Variants in NT5DC3 observed in about 807,000 individuals in gnomAD.
NT5DC3 encodes 5'-nucleotidase domain-containing protein 3.
A neutral mutation model predicts 67.8 loss-of-function variants in NT5DC3; 42 were observed. The observed-to-expected ratio is 0.62, with a 90% confidence interval of 0.48 to 0.80. The LOEUF (loss-of-function observed/expected upper bound fraction) is 0.80. Among genes scored for constraint, NT5DC3 ranks in the 30% least tolerant of loss-of-function variants. The pLI is 0.00. For synonymous variants in NT5DC3, 237 were observed against 255.6 expected (o/e 0.93, Z 0.69); for missense variants, 570 against 696.4 (o/e 0.82, Z 2.04).
chr12:103,810,142 C>G lies in NT5DC3; in HGVS notation c.394-3213G>C, dbSNP rs1886969579. 3.3e-5 allele frequency among the ~76,000 whole-genome samples: 5 copies of G among 152,224 alleles called. No homozygotes were observed. In the South Asian group the frequency reaches 1.0e-3, roughly 31 times the overall value. ...GGCCTGGGGTTTTAGGTCCACCCTA[C>G]TAGCCCCTGCTACTCTCCTGTATGA... On this transcript the variant is annotated intron_variant, in intron 2 of 13. Coordinates refer to ENST00000392876, the MANE Select transcript of NT5DC3 (RefSeq NM_001031701.3).
At chr12:103,828,692 C>CT (rs1367615760) in intron 1 of NT5DC3, among the ~76,000 whole-genome samples, 3 of 134,654 alleles carry the variant, frequency 2.2e-5, no homozygotes, top group African/African-American at 8.2e-5. Context: ...TGCATTTTTT[C>CT]TTTCTTTTTA....
the NT5DC3 span, among the ~76,000 whole-genome samples, chr12:103,754,578 A>G: frequency 6.6e-6 from 1 of 152,134 alleles, no homozygotes; most frequent in Admixed American, 6.5e-5. Flanking sequence ...GGTGATTATG[A>G]TAATGGTGGT....
the NT5DC3 span, among the ~76,000 whole-genome samples, chr12:103,756,999 ATATATATAT>A: frequency 0.22 from 10,332 of 47,212 alleles, 751 homozygotes; most frequent in African/African-American, 0.31. Flanking sequence ...GAGGGAAAAT[ATATATATAT>A]ATATATATAT....
chr12:103,756,300 T>C, the NT5DC3 span, among the ~76,000 whole-genome samples: 4 of 152,330 alleles, frequency 2.6e-5, no homozygotes, highest in African/African-American at 7.2e-5. Context: ...ATCAAAGAAC[T>C]GACCTAACAG....
At chr12:103,761,673 C>T in the NT5DC3 span, among the ~76,000 whole-genome samples, 3 of 152,088 alleles carry the variant, frequency 2.0e-5, no homozygotes, top group African/African-American at 7.2e-5. Context: ...CCAAAGGAAG[C>T]GCTGGAAGGG....
chr12:103,830,292 T>C (rs1397460542), intron 1 of NT5DC3, among the ~76,000 whole-genome samples: 1 of 152,262 alleles, frequency 6.6e-6, no homozygotes, highest in Admixed American at 6.5e-5. Flanking sequence ...GTCTATACTA[T>C]TAACTACTAT....
chr12:103,755,370 C>T, the NT5DC3 span: 1 of 1,614,192 alleles, frequency 6.2e-7, no homozygotes, highest in African/African-American at 1.3e-5. Flanking sequence ...CAGCCTTCGC[C>T]TCCCAGAACT....
intron 13 of NT5DC3, 98 bp from the exon 14 acceptor site, chr12:103,778,179 A>G: frequency 7.7e-7 from 1 of 1,290,878 alleles, no homozygotes; most frequent in Non-Finnish European, 1.1e-6. Context: ...TTAAAAAAAA[A>G]AAATAGGACT....
At chr12:103,787,217 A>G (rs1885824378) in intron 11 of NT5DC3, among the ~76,000 whole-genome samples, 1 of 152,008 alleles carries the variant, frequency 6.6e-6, no homozygotes, top group South Asian at 2.1e-4. Flanking sequence ...ATTTCCAAAA[A>G]ATATTTATCT....
rs1385054764 is a variant in NT5DC3, at chr12:103,818,895, G to A, written c.209-3774C>T. 3.3e-5 allele frequency among the ~76,000 whole-genome samples: 5 copies of A among 152,078 alleles called. No individual in the cohort carries two copies. In the South Asian group the frequency reaches 6.2e-4, roughly 19 times the overall value. ...TTTCTGAATACGACCACGTGGCATC[G>A]TCCATATGATGCAAGTGAAGGGGAA... On this transcript the variant is annotated intron_variant, in intron 1 of 13. Coordinates refer to ENST00000392876, the MANE Select transcript of NT5DC3 (RefSeq NM_001031701.3).
At chr12:103,765,846 G>A (rs188573346), downstream of NT5DC3, among the ~76,000 whole-genome samples, 887 of 152,242 alleles carry the variant, frequency 5.8e-3, 15 homozygotes, top group Non-Finnish European at 4.8e-3. Flanking sequence ...CCGGCTGAGC[G>A]GGGTTTCTAT....
rs1366006635 is a variant in NT5DC3 at position 103,780,284 on chromosome 12, T to C, written c.1394+16A>G. ...CAGGGTGGTGGACGCGCACATTCAA[T>C]ACAGGCCTCTCTTACCGCATCTCCT... On this transcript the variant is annotated intron_variant, in intron 13 of 13. Coordinates refer to ENST00000392876, the MANE Select transcript of NT5DC3 (RefSeq NM_001031701.3). The C allele has an allele frequency of 3.1e-6, 5 of 1,610,646 alleles. No homozygotes were observed. The highest frequency in any genetic ancestry group is 4.2e-6 in the Non-Finnish European group (5 of 1,176,904).
At chr12:103,832,659 A>G (rs117653415) in intron 1 of NT5DC3, among the ~76,000 whole-genome samples, 5,263 of 152,276 alleles carry the variant, frequency 0.035, 105 homozygotes, top group Middle Eastern at 0.041. Flanking sequence ...AACACTCAGC[A>G]GCAAAAGTCA....
intron 1 of NT5DC3, among the ~76,000 whole-genome samples, chr12:103,825,913 TCA>T (rs1887675358): frequency 6.6e-6 from 1 of 152,240 alleles, no homozygotes; most frequent in Non-Finnish European, 1.5e-5. Flanking sequence ...TTCTCATTCA[TCA>T]CCTCAATTAA....
At chr12:103,815,793 TG>T (rs1887226404) in intron 1 of NT5DC3, among the ~76,000 whole-genome samples, 1 of 152,206 alleles carries the variant, frequency 6.6e-6, no homozygotes, top group Non-Finnish European at 1.5e-5. Flanking sequence ...GTGAATTGTA[TG>T]GTATATAAAT....
chr12:103,768,809 T>C (rs542285138), downstream of NT5DC3: 6 of 151,658 alleles, frequency 4.0e-5, no homozygotes, highest in Non-Finnish European at 8.8e-5. Flanking sequence ...GGCCTTACCG[T>C]AGCAGACTGA....
intron 1 of NT5DC3, among the ~76,000 whole-genome samples, chr12:103,839,845 C>T (rs534015638): frequency 9.2e-5 from 14 of 152,230 alleles, no homozygotes; most frequent in Middle Eastern, 3.4e-3. Context: ...CTCCAATTTG[C>T]TTTTTTCATT....
At position 103,777,091 on chromosome 12, in the gene NT5DC3, C is replaced by G. The variant is rs924437729; in HGVS notation, c.*738G>C. On this transcript the variant is annotated 3_prime_UTR_variant, in exon 14 of 14. Transcript: ENST00000392876. ...ACCCACTCGTTTCTTGCAGAAGGCTCTACAGAAGGCTGTTCCACTAGCTGG... is the reference window on the plus strand; with the variant it reads ...ACCCACTCGTTTCTTGCAGAAGGCTGTACAGAAGGCTGTTCCACTAGCTGG... 1.3e-5 allele frequency: 2 copies of G among 152,268 alleles called. No homozygotes were observed. The highest frequency in any genetic ancestry group is 4.8e-5 in the African/African-American group (2 of 41,450). 9.4% of individuals were successfully genotyped at this position (152,268 alleles called of 1,614,324 possible).
rs778328497 is a variant in NT5DC3, at chr12:103,780,316, C to T, written c.1378G>A (p.Glu460Lys). The change falls in exon 13 of 14, where the codon GAA (glutamate) becomes AAA (lysine). Residue 460 changes from glutamate (E) to lysine (K), a missense_variant. Physicochemically the swap from Glu to Lys is moderately conservative, Grantham distance 56. Coordinates refer to ENST00000392876, the MANE Select transcript of NT5DC3 (RefSeq NM_001031701.3). ...SQLVLQEWKK[E>K]RKEMREMTKS... ...CTCTCTTACCGCATCTCCTTCCTTT[C>T]CTTTTTCCACTCCTGCAAAACCAGC... 1 of 1,614,110 alleles carries T rather than the reference C, an allele frequency of 6.2e-7. No homozygotes were observed. Among genetic ancestry groups the T allele is most frequent in the Non-Finnish European group, 8.5e-7 (1 of 1,179,944 alleles).
Sources: allele counts gnomAD v4.1 joint callset (sites outside exome capture counted in the v4.1 genomes callset), GRCh38; gene constraint gnomAD v4.1.1; transcripts MANE v1.5; gene names NCBI Gene and HGNC (gene_info 2026-07-23, HGNC 2026-07-21).